Variants in DHODH observed in about 807,000 individuals in gnomAD.
DHODH encodes dihydroorotate dehydrogenase (quinone).
A neutral mutation model predicts 39.7 loss-of-function variants in DHODH; 30 were observed. That is an observed-to-expected ratio of 0.76 (90% confidence interval 0.57 to 1.02). The LOEUF is 1.02. DHODH is among the 50% of genes least tolerant of loss of function. DHODH has a pLI of 0.00. For synonymous variants in DHODH, 222 were observed against 213.8 expected (o/e 1.04, Z -0.34); for missense variants, 531 against 520.8 (o/e 1.02, Z -0.19).
intron 2 of DHODH, among the ~76,000 whole-genome samples, chr16:72,013,278 A>T (rs2041105245): frequency 6.6e-6 from 1 of 152,162 alleles, no homozygotes; most frequent in Non-Finnish European, 1.5e-5. Flanking sequence ...AGGTGTCCTC[A>T]CCTCAGACTG....
At chr16:72,019,095 A>G (rs552365397) in intron 4 of DHODH, among the ~76,000 whole-genome samples, 1 of 152,148 alleles carries the variant, frequency 6.6e-6, no homozygotes, top group Admixed American at 6.5e-5. Context: ...AGCTGAGATT[A>G]TAGGCGCCCA....
intron 1 of DHODH, among the ~76,000 whole-genome samples, chr16:72,010,721 G>A (rs2041072777): frequency 6.6e-6 from 1 of 152,134 alleles, no homozygotes; most frequent in Non-Finnish European, 1.5e-5. Flanking sequence ...TGGAATATAT[G>A]TATAATGTCT....
intron 6 of DHODH, among the ~76,000 whole-genome samples, chr16:72,022,865 G>A (rs1224822111): frequency 1.3e-5 from 2 of 152,158 alleles, no homozygotes; most frequent in Non-Finnish European, 2.9e-5. Context: ...TCAAATCCTG[G>A]TTCCACCACT....
rs71153696 is a variant in DHODH at position 72,017,770 on chromosome 16, C to CTTTTTTTTTTTTTTTTT, written c.517+666_517+682dup. On this transcript the variant is annotated intron_variant, in intron 4 of 8. Transcript: ENST00000219240. The stretch of plus-strand genomic sequence containing the variant: ...CTCTAAAAAAACCAAAAACAACATG[C>CTTTTTTTTTTTTTTTTT]TTTTTTTTTTTTTTTTTTGAGACGG... 2.5e-3 allele frequency among the ~76,000 whole-genome samples: 261 copies of CTTTTTTTTTTTTTTTTT among 103,788 alleles called. 31 individuals are homozygous for CTTTTTTTTTTTTTTTTT. Among genetic ancestry groups the CTTTTTTTTTTTTTTTTT allele is most frequent in the African/African-American group, 5.1e-3 (115 of 22,702 alleles). The allele number at this position is 103,788 out of a possible 152,430, so 68.1% of individuals were successfully genotyped here. A position where few individuals can be genotyped will look rare whatever the true frequency, so the allele number is the denominator to read the frequency against.
At chr16:72,012,651 C>A (rs2041097314) in intron 2 of DHODH, among the ~76,000 whole-genome samples, 1 of 152,218 alleles carries the variant, frequency 6.6e-6, no homozygotes, top group Admixed American at 6.5e-5. Flanking sequence ...TGGCCACTGT[C>A]CTGCCTTGCT....
chr16:72,021,208 T>C lies in DHODH; in HGVS notation c.602T>C (p.Leu201Pro). Residue 201 changes from leucine to proline, a missense_variant, in exon 5 of 9, where the codon CTG (leucine) becomes CCG (proline). Coordinates refer to ENST00000219240, the MANE Select transcript of DHODH (RefSeq NM_001361.5). ...GACTACGCAGAAGGGGTGCGCGTAC[T>C]GGGCCCCCTGGCCGACTACCTGGTG... ...AEDYAEGVRV[L>P]GPLADYLVVN... 6.2e-7 allele frequency: 1 copy of C among 1,611,644 alleles called. No homozygotes were observed. Among genetic ancestry groups the C allele is most frequent in the Non-Finnish European group, 8.5e-7 (1 of 1,179,148 alleles).
intron 4 of DHODH, among the ~76,000 whole-genome samples, chr16:72,018,665 C>G (rs2041170925): frequency 6.6e-6 from 1 of 152,176 alleles, no homozygotes; most frequent in South Asian, 2.1e-4. Context: ...ACGGATGTGT[C>G]TGCCAGCAGC....
chr16:72,014,373 A>G, intron 2 of DHODH, 100 bp from the exon 3 acceptor site: 2 of 1,240,022 alleles, frequency 1.6e-6, no homozygotes, highest in African/African-American at 1.5e-5. Context: ...AGGTTTCACA[A>G]GCTTCCCAGG....
chr16:72,021,560 G>A (rs1412189367), intron 5 of DHODH, among the ~76,000 whole-genome samples: 2 of 152,194 alleles, frequency 1.3e-5, no homozygotes, highest in East Asian at 1.9e-4. Context: ...CAGACACCAC[G>A]TCTCTCTCAT....
chr16:72,012,289 T>G, intron 2 of DHODH, 27 bp downstream of exon 2: 1 of 1,605,918 alleles, frequency 6.2e-7, no homozygotes, highest in Middle Eastern at 1.7e-4. Flanking sequence ...CCCTATACAT[T>G]AAATACAAAG....
chr16:72,010,802 C>T (rs552327725), intron 1 of DHODH, among the ~76,000 whole-genome samples: 31 of 152,308 alleles, frequency 2.0e-4, no homozygotes, highest in African/African-American at 7.5e-4. Flanking sequence ...CATCCCGGCT[C>T]ACTGCAGCCT....
In DHODH at chr16:72,021,269, G is replaced by A. The variant is rs778020343; in HGVS notation, c.663G>A (p.Arg221=). Reference sequence around the variant, plus strand: ...CCAGCCCCAACACTGCCGGGCTGCGGAGCCTTCAGGGAAAGGCCGAGCTGC... The same window carrying A: ...CCAGCCCCAACACTGCCGGGCTGCGAAGCCTTCAGGGAAAGGCCGAGCTGC... ...NVSSPNTAGL[R]SLQGKAELRR... is the part of the protein sequence containing the mutation. The change falls in exon 5 of 9, where the codon CGG becomes CGA. Residue 221 remains arginine (R), a synonymous_variant. Transcript: ENST00000219240. 1.2e-6 allele frequency: 2 copies of A among 1,612,430 alleles called. No individual in the cohort carries two copies. The highest frequency in any genetic ancestry group is 1.1e-5 in the South Asian group (1 of 90,696).
rs1567574630 is a variant in DHODH at position 72,023,596 on chromosome 16, G to A, written c.1096G>A (p.Val366Met). 4 of 1,614,024 alleles carry A rather than the reference G, an allele frequency of 2.5e-6. No homozygotes were observed. Among genetic ancestry groups the A allele is most frequent in the Non-Finnish European group, 3.4e-6 (4 of 1,180,046 alleles). ...TALTFWGPPV[V>M]GKVKRELEAL... ...CCTCACCTTCTGGGGGCCACCCGTT[G>A]TGGGCAAAGTCAAGCGGGAACTGGA... The change falls in exon 8 of 9, where the codon GTG (valine) becomes ATG (methionine). Residue 366 changes from valine to methionine, a missense_variant. Val to Met is a conservative substitution (Grantham distance 21). Transcript: ENST00000219240.
chr16:72,010,801 T>A (rs1440725581), intron 1 of DHODH, among the ~76,000 whole-genome samples: 1 of 152,188 alleles, frequency 6.6e-6, no homozygotes, highest in African/African-American at 2.4e-5. Flanking sequence ...TCATCCCGGC[T>A]CACTGCAGCC....
intron 4 of DHODH, among the ~76,000 whole-genome samples, chr16:72,018,360 T>C (rs747539401): frequency 1.3e-5 from 2 of 152,220 alleles, no homozygotes; most frequent in Non-Finnish European, 2.9e-5. Context: ...TGGAAAGGGC[T>C]GAGGCACTCA....
At chr16:72,008,891 G>A in intron 1 of DHODH, 106 bp downstream of exon 1, 9 of 1,548,870 alleles carry the variant, frequency 5.8e-6, no homozygotes, top group Non-Finnish European at 7.9e-6. Context: ...CTCCGGGAGT[G>A]TGGGCCCCCC....
rs1336648874 is a variant in DHODH at position 72,022,444 on chromosome 16, A to G, written c.788A>G (p.Asp263Gly). 1 of 1,555,928 alleles carries G rather than the reference A, an allele frequency of 6.4e-7. No individual in the cohort carries two copies. Among genetic ancestry groups the G allele is most frequent in the South Asian group, 1.2e-5 (1 of 84,330 alleles). The change falls in exon 6 of 9, where the codon GAT becomes GGT. Residue 263 changes from aspartate to glycine, a missense_variant. Transcript: ENST00000219240. The stretch of plus-strand genomic sequence containing the variant: ...ATCGCTCCTGACCTCACCAGCCAGG[A>G]TAAGGAGGACATTGCCAGTGTGGTC... Reference protein sequence around the residue: ...VKIAPDLTSQDKEDIASVVKE... With the variant: ...VKIAPDLTSQGKEDIASVVKE...
rs983332603 is a variant in DHODH at position 72,027,306 on chromosome 16, T to A, written c.*3107T>A. ...CCAGCGTGCCTGGCTAATTTTTGTA[T>A]TTTTAGTAGAGACGGGGTTTCACCA... On this transcript the variant is annotated 3_prime_UTR_variant, in exon 9 of 9. Transcript: ENST00000219240. 1.3e-5 allele frequency: 2 copies of A among 152,294 alleles called. No individual in the cohort carries two copies. Among genetic ancestry groups the A allele is most frequent in the Non-Finnish European group, 2.9e-5 (2 of 68,156 alleles). 9.4% of individuals were successfully genotyped at this position (152,294 alleles called of 1,614,324 possible).
At chr16:72,020,359 A>ATATATATATATATATATATGTG (rs2041196657) in intron 4 of DHODH, 4 of 69,086 alleles carry the variant, frequency 5.8e-5, no homozygotes, top group Admixed American at 2.6e-4. Flanking sequence ...ATATATGTGT[A>ATATATATATATATATATATGTG]TATATATATA....
Sources: allele counts gnomAD v4.1 joint callset (sites outside exome capture counted in the v4.1 genomes callset), GRCh38; gene constraint gnomAD v4.1.1; transcripts MANE v1.5; gene names NCBI Gene and HGNC (gene_info 2026-07-23, HGNC 2026-07-21).